SLC14A2: variants seen among roughly 807,000 people sequenced by gnomAD.
The protein encoded by SLC14A2 is urea transporter 2.
SLC14A2 carries 91 observed loss-of-function variants against 104.6 expected under a neutral mutation model. That is an observed-to-expected ratio of 0.87 (90% CI 0.73 to 1.04). The LOEUF (loss-of-function observed/expected upper bound fraction) is 1.04, where lower values mean the gene tolerates loss of function less well. Among genes scored for constraint, SLC14A2 ranks in the 50% least tolerant of loss-of-function variants. SLC14A2 has a pLI of 0.00. For synonymous variants in SLC14A2, 476 were observed against 466.4 expected, an observed-to-expected ratio of 1.02 and a Z score of -0.27; for missense variants, 1,189 against 1,156.0, an observed-to-expected ratio of 1.03 and a Z score of -0.41.
intron 3 of SLC14A2, among the ~76,000 whole-genome samples, chr18:45,626,539 C>G (rs1022881846): frequency 6.6e-6 from 1 of 152,186 alleles, no homozygotes; most frequent in African/African-American, 2.4e-5. Flanking sequence ...CTTTGCTGCT[C>G]AGATACCAGC....
At chr18:45,355,807 C>G (rs545299528) in intron 1 of SLC14A2, among the ~76,000 whole-genome samples, 1 of 152,198 alleles carries the variant, frequency 6.6e-6, no homozygotes, top group South Asian at 2.1e-4. Flanking sequence ...GACTAGGGAG[C>G]ATGGTCATAT....
intron 1 of SLC14A2, among the ~76,000 whole-genome samples, chr18:45,476,461 G>A (rs2144684620): frequency 6.6e-6 from 1 of 152,074 alleles, no homozygotes. Flanking sequence ...ATGTTTCTTG[G>A]GGTTGCTCTT....
chr18:45,211,860 G>A (rs1307174257), upstream of SLC14A2, among the ~76,000 whole-genome samples: 1 of 152,188 alleles, frequency 6.6e-6, no homozygotes, highest in Non-Finnish European at 1.5e-5. Flanking sequence ...GAGTTAAGAT[G>A]AGAGCCAACC....
chr18:45,341,889 C>T (rs112833408), intron 1 of SLC14A2, among the ~76,000 whole-genome samples: 3,753 of 152,174 alleles, frequency 0.025, 60 homozygotes, highest in Non-Finnish European at 0.039. Context: ...CGCCTGATCC[C>T]ACTGTCTAGT....
intron 2 of SLC14A2, among the ~76,000 whole-genome samples, chr18:45,591,316 CTGAGAT>C (rs1181627533): frequency 6.6e-6 from 1 of 152,034 alleles, no homozygotes; most frequent in East Asian, 1.9e-4. Context: ...GTGGAGGAGT[CTGAGAT>C]AACAATATTT....
At chr18:45,504,387 T>G (rs2043250031) in intron 2 of SLC14A2, among the ~76,000 whole-genome samples, 1 of 152,190 alleles carries the variant, frequency 6.6e-6, no homozygotes, top group African/African-American at 2.4e-5. Flanking sequence ...GATATGGTAA[T>G]GAATTGCCAG....
intron 1 of SLC14A2, among the ~76,000 whole-genome samples, chr18:45,265,009 T>C (rs1024022104): frequency 6.6e-6 from 1 of 152,170 alleles, no homozygotes; most frequent in African/African-American, 2.4e-5. Context: ...GTTAAGATGG[T>C]GAGAAGTTCA....
chr18:45,468,846 C>T (rs886533609), intron 1 of SLC14A2, among the ~76,000 whole-genome samples: 3 of 152,178 alleles, frequency 2.0e-5, no homozygotes, highest in African/African-American at 7.2e-5. Flanking sequence ...ACTATATTCT[C>T]GACCCCTTGT....
intron 2 of SLC14A2, chr18:45,527,727 A>G (rs2043615262): frequency 6.6e-6 from 1 of 152,194 alleles, no homozygotes; most frequent in Non-Finnish European, 1.5e-5. Flanking sequence ...TTCAGTATCT[A>G]AGTCATAGAA....
At chr18:45,486,532 T>TAGAAAA (rs2087609653) in intron 2 of SLC14A2, among the ~76,000 whole-genome samples, 1 of 152,194 alleles carries the variant, frequency 6.6e-6, no homozygotes, top group South Asian at 2.1e-4. Context: ...GCAGGTCCAC[T>TAGAAAA]AGCAAAAAGC....
the SLC14A2 span, among the ~76,000 whole-genome samples, chr18:45,171,564 T>C: frequency 6.6e-6 from 1 of 152,128 alleles, no homozygotes; most frequent in Non-Finnish European, 1.5e-5. Context: ...TCTTTTGTTT[T>C]ATAAAAAGTG....
At chr18:45,608,195 G>A (rs145020314) in intron 2 of SLC14A2, among the ~76,000 whole-genome samples, 32 of 152,160 alleles carry the variant, frequency 2.1e-4, no homozygotes, top group East Asian at 9.6e-4. Context: ...CAGAGAAATC[G>A]GTGCTTTAGA....
chr18:45,463,105 C>G (rs2087075385), intron 1 of SLC14A2, among the ~76,000 whole-genome samples: 1 of 152,154 alleles, frequency 6.6e-6, no homozygotes, highest in South Asian at 2.1e-4. Context: ...ACGCAATAAC[C>G]AGTTCCATCT....
At position 45,644,065 on chromosome 18, in the gene SLC14A2, T is replaced by C; in HGVS notation, c.1256T>C (p.Ile419Thr). 1 of 1,614,134 alleles carries C rather than the reference T, an allele frequency of 6.2e-7. No homozygotes were observed. Among genetic ancestry groups the C allele is most frequent in the Non-Finnish European group, 8.5e-7 (1 of 1,180,008 alleles). The change falls in exon 10 of 20, where the codon ATC (isoleucine) becomes ACC (threonine). Residue 419 changes from isoleucine (I) to threonine (T), a missense_variant. Transcript: ENST00000255226. The part of the protein sequence containing the change: ...FLLLTTNNPA[I>T]FRLPLSKVTY... Reference sequence around the variant, plus strand: ...CTCCTGACGACAAACAACCCAGCCATCTTCAGACTCCCACTCAGCAAAGTC... The same window carrying C: ...CTCCTGACGACAAACAACCCAGCCACCTTCAGACTCCCACTCAGCAAAGTC...
intron 10 of SLC14A2, among the ~76,000 whole-genome samples, chr18:45,654,604 C>A (rs1178896032): frequency 2.0e-5 from 3 of 152,260 alleles, no homozygotes; most frequent in South Asian, 4.1e-4. Flanking sequence ...GGGGTGGGAA[C>A]CTTACTAAGA....
intron 1 of SLC14A2, among the ~76,000 whole-genome samples, chr18:45,369,735 A>G (rs1444590004): frequency 6.6e-6 from 1 of 152,184 alleles, no homozygotes; most frequent in African/African-American, 2.4e-5. Flanking sequence ...TTATTAGTGA[A>G]CATCTACAGT....
intron 7 of SLC14A2, among the ~76,000 whole-genome samples, chr18:45,640,881 T>A (rs7238308): frequency 1.3e-5 from 2 of 152,128 alleles, no homozygotes; most frequent in African/African-American, 4.8e-5. Flanking sequence ...TCTTCAAACC[T>A]TTTTGGAAAC....
intron 2 of SLC14A2, among the ~76,000 whole-genome samples, chr18:45,535,368 C>G (rs143401748): frequency 3.8e-4 from 58 of 152,274 alleles, no homozygotes; most frequent in Middle Eastern, 3.4e-3. Flanking sequence ...CTTTTTCTGT[C>G]TGGAGTTTAT....
Position 45,319,586 on chromosome 18 carries a change from G to A in SLC14A2, c.-125+106395G>A, listed in dbSNP as rs2085164615. Among the ~76,000 whole-genome samples, 6 of 152,234 alleles carry A rather than the reference G, an allele frequency of 3.9e-5. No homozygotes were observed. The South Asian group carries it at 1.0e-3, about 26-fold the overall frequency. On this transcript the variant is annotated intron_variant, in intron 1 of 20. Transcript: ENST00000586448. ...CCTAGCACATGTCTAGCCTCTAGGA[G>A]GCATTCAATAAATACTGTTGAGTGA...
Sources: gnomAD v4.1 joint callset for allele counts (sites outside exome capture counted in the v4.1 genomes callset) on GRCh38, gnomAD v4.1.1 for gene constraint, MANE v1.5 for transcripts, NCBI Gene and HGNC (gene_info 2026-07-23, HGNC 2026-07-21) for gene names.